Variants in TLE1 observed in about 807,000 individuals in gnomAD.
TLE1 encodes transducin-like enhancer protein 1.
A neutral mutation model predicts 89.8 loss-of-function variants in TLE1; 21 were observed. The ratio of observed to expected loss-of-function variants is 0.23; its 90% CI spans 0.17 to 0.34. The LOEUF is 0.34. Ranked by LOEUF, TLE1 falls within the 10% of genes least tolerant of loss-of-function variation. The pLI, the probability that TLE1 is intolerant of heterozygous loss-of-function variation, is 1.00. For missense variants in TLE1, 795 were observed against 1,031.2 expected, an observed-to-expected ratio of 0.77 and a Z score of 3.14; for synonymous variants, 447 against 407.6, an observed-to-expected ratio of 1.10 and a Z score of -1.16.
chr9:81,636,407 C>T (rs1485169087), intron 6 of TLE1, among the ~76,000 whole-genome samples: 2 of 129,220 alleles, frequency 1.5e-5, no homozygotes, highest in African/African-American at 6.1e-5. Context: ...CCAGCAATTA[C>T]TATCATTACT....
chr9:81,686,715 G>C (rs903034970), intron 2 of TLE1, among the ~76,000 whole-genome samples: 2 of 152,162 alleles, frequency 1.3e-5, no homozygotes, highest in African/African-American at 4.8e-5. Flanking sequence ...TAAGTCCTTT[G>C]AAGGTAAGTC....
chr9:81,636,978 G>C (rs910440156), intron 6 of TLE1, among the ~76,000 whole-genome samples: 4 of 150,904 alleles, frequency 2.7e-5, no homozygotes, highest in Admixed American at 2.6e-4. Flanking sequence ...ACTCCAGCCT[G>C]GACGACAGAG....
At chr9:81,670,835 A>G (rs1366248551) in intron 4 of TLE1, among the ~76,000 whole-genome samples, 4 of 152,038 alleles carry the variant, frequency 2.6e-5, no homozygotes, top group Non-Finnish European at 4.4e-5. Context: ...TCTGTCTGGG[A>G]CCCTTTCGGT....
chr9:81,649,512 G>A (rs576857787), intron 6 of TLE1, among the ~76,000 whole-genome samples: 3 of 152,202 alleles, frequency 2.0e-5, no homozygotes, highest in Admixed American at 6.5e-5. Context: ...AGAATGTTTC[G>A]GCTCATTTGC....
At chr9:81,602,468 C>T (rs1037167322) in intron 14 of TLE1, among the ~76,000 whole-genome samples, 1 of 152,098 alleles carries the variant, frequency 6.6e-6, no homozygotes, top group South Asian at 2.1e-4. Context: ...TTCATACAGA[C>T]CTTATGCACT....
chr9:81,649,291 G>A (rs1462647827), intron 6 of TLE1, among the ~76,000 whole-genome samples: 1 of 152,116 alleles, frequency 6.6e-6, no homozygotes, highest in East Asian at 1.9e-4. Context: ...GGTGAGAAAT[G>A]GGGACTGTTA....
chr9:81,633,114 C>T (rs777596511), intron 8 of TLE1, among the ~76,000 whole-genome samples: 1 of 152,094 alleles, frequency 6.6e-6, no homozygotes, highest in Non-Finnish European at 1.5e-5. Flanking sequence ...CAAATTATGC[C>T]TCTCTTGTCT....
intron 15 of TLE1, among the ~76,000 whole-genome samples, chr9:81,591,868 A>G (rs1294214760): frequency 3.3e-5 from 5 of 152,214 alleles, no homozygotes; most frequent in African/African-American, 1.2e-4. Context: ...TGTGTTTCCA[A>G]AACACCGCCA....
At chr9:81,615,833 A>C (rs540498239) in intron 11 of TLE1, 149 bp downstream of exon 11, 1 of 1,031,004 alleles carries the variant, frequency 9.7e-7, no homozygotes, top group Admixed American at 2.7e-5. Context: ...GAATGGTGAC[A>C]AAGAACAGAA....
chr9:81,620,390 C>G (rs755377764), intron 9 of TLE1, 51 bp downstream of exon 9: 3 of 1,349,882 alleles, frequency 2.2e-6, no homozygotes, highest in Admixed American at 3.5e-5. Flanking sequence ...CTTGGATACT[C>G]AGGTGAGCAG....
intron 4 of TLE1, 131 bp from the exon 5 acceptor site, chr9:81,654,167 G>C (rs1829878443): frequency 1.4e-6 from 1 of 740,196 alleles, no homozygotes; most frequent in East Asian, 2.7e-5. Flanking sequence ...GTTTCCCCAG[G>C]TTATGTTACT....
At chr9:81,647,033 GTTTT>G (rs933011046) in intron 6 of TLE1, among the ~76,000 whole-genome samples, 29 of 149,502 alleles carry the variant, frequency 1.9e-4, no homozygotes, top group Admixed American at 4.7e-4. Flanking sequence ...GAATTTCATG[GTTTT>G]TTTTTTCTCT....
chr9:81,643,431 T>C (rs1469751196), intron 6 of TLE1, among the ~76,000 whole-genome samples: 2 of 152,036 alleles, frequency 1.3e-5, no homozygotes, highest in Non-Finnish European at 2.9e-5. Context: ...AGATGGGGTT[T>C]CTCCATGTTA....
At chr9:81,685,942 G>A (rs1834213366) in intron 2 of TLE1, 46 bp from the exon 3 acceptor site, 2 of 1,598,018 alleles carry the variant, frequency 1.3e-6, no homozygotes, top group Non-Finnish European at 1.7e-6. Flanking sequence ...TATGTCACTT[G>A]TTTTAACATC....
chr9:81,684,905 G>A lies in TLE1; in HGVS notation c.234+771C>T, dbSNP rs570067463. ...GTCCTTTGGGCTGAGCAATCATTTA[G>A]CTTTTCTTCTCTTATGAGGTCCTTA... On this transcript the variant is annotated intron_variant, in intron 4 of 19. Transcript: ENST00000376499. Among the ~76,000 whole-genome samples the A allele has an allele frequency of 1.8e-4, 27 of 152,268 alleles. No individual in the cohort carries two copies. In the South Asian group the frequency reaches 4.6e-3, roughly 26 times the overall value.
At chr9:81,610,404 G>A (rs545591769) in intron 13 of TLE1, 108 bp from the exon 14 acceptor site, 147 of 808,104 alleles carry the variant, frequency 1.8e-4, no homozygotes, top group Admixed American at 3.3e-4. Flanking sequence ...AACATAAATG[G>A]GAACAGTAAC....
intron 2 of TLE1, among the ~76,000 whole-genome samples, chr9:81,686,121 T>G (rs1415747720): frequency 6.6e-6 from 1 of 152,242 alleles, no homozygotes; most frequent in Non-Finnish European, 1.5e-5. Flanking sequence ...GCCTATCTGG[T>G]TAGATGACAA....
chr9:81,685,684 G>A lies in TLE1; in HGVS notation c.226C>T (p.His76Tyr), dbSNP rs1306938584. ...EMSYGLNIEM[H>Y]KQTEIAKRLN... ...GTTCAACTAAAGCTTACCTGTTTGTGCATTTCAATGTTTAATCCATATGAC... is the reference window on the plus strand; with the variant it reads ...GTTCAACTAAAGCTTACCTGTTTGTACATTTCAATGTTTAATCCATATGAC... The change falls in exon 4 of 20, where the codon CAC (histidine) becomes TAC (tyrosine). Residue 76 changes from histidine (H) to tyrosine (Y), a missense_variant. By Grantham distance (83) the His-to-Tyr change is moderately conservative. Transcript: ENST00000376499. 4 of 1,613,288 alleles carry A rather than the reference G, an allele frequency of 2.5e-6. No homozygotes were observed. Among genetic ancestry groups the A allele is most frequent in the Non-Finnish European group, 3.4e-6 (4 of 1,179,538 alleles).
rs562897922 is a variant in TLE1, at chr9:81,593,087, C to T, written c.1519G>A (p.Val507Ile). 16 of 1,614,028 alleles carry T rather than the reference C, an allele frequency of 9.9e-6. No homozygotes were observed. In the Admixed American group the frequency reaches 1.2e-4, roughly 12 times the overall value. ...GGGTGGCTGATGTCCCAGACCTTGA[C>T]GCAGCCCTTCCCGCCTGTGTACACG... is the stretch of plus-strand genomic sequence containing the variant. The part of the protein sequence containing the change: ...RHVYTGGKGC[V>I]KVWDISHPGN... Residue 507 changes from valine to isoleucine, a missense_variant, in exon 15 of 20, where the codon GTC (valine) becomes ATC (isoleucine). Physicochemically the swap from Val to Ile is conservative, Grantham distance 29. Transcript: ENST00000376499.
Sources: gnomAD v4.1 joint callset for allele counts (sites outside exome capture counted in the v4.1 genomes callset) on GRCh38, gnomAD v4.1.1 for gene constraint, MANE v1.5 for transcripts, NCBI Gene and HGNC (gene_info 2026-07-23, HGNC 2026-07-21) for gene names.